Variants in SEL1L3 observed in about 807,000 individuals in gnomAD.
SEL1L3 encodes protein sel-1 homolog 3.
SEL1L3 carries 76 observed loss-of-function variants against 142.8 expected under a neutral mutation model. The ratio of observed to expected loss-of-function variants is 0.53; its 90% CI spans 0.44 to 0.64. SEL1L3 has a LOEUF of 0.64. SEL1L3 is among the 30% of genes least tolerant of loss of function. The probability of loss-of-function intolerance (pLI) is 0.00; values close to 1 mark genes in which losing one functional copy is unlikely to be tolerated. For synonymous variants in SEL1L3, 504 were observed against 519.6 expected (o/e 0.97, Z 0.41); for missense variants, 1,262 against 1,381.7 (o/e 0.91, Z 1.37).
chr4:25,785,454 G>T (rs908435905), intron 13 of SEL1L3, among the ~76,000 whole-genome samples: 2 of 152,164 alleles, frequency 1.3e-5, no homozygotes, highest in African/African-American at 4.8e-5. Context: ...GCCTATTTCA[G>T]TTCATAACCT....
the SEL1L3 span, among the ~76,000 whole-genome samples, chr4:25,739,764 G>A: frequency 1.0e-5 from 1 of 97,682 alleles, no homozygotes; most frequent in Non-Finnish European, 1.9e-5. Context: ...AAAATAATGT[G>A]TGTGTGTGTG....
chr4:25,814,409 C>T (rs1175185199), intron 9 of SEL1L3, among the ~76,000 whole-genome samples: 1 of 152,164 alleles, frequency 6.6e-6, no homozygotes, highest in Non-Finnish European at 1.5e-5. Flanking sequence ...TGTTACCACG[C>T]CTATTCAGTG....
At chr4:25,836,516 G>A (rs1421866555) in intron 2 of SEL1L3, among the ~76,000 whole-genome samples, 1 of 152,048 alleles carries the variant, frequency 6.6e-6, no homozygotes, top group Non-Finnish European at 1.5e-5. Flanking sequence ...GCCGGGCATG[G>A]TAGTGCGTGC....
chr4:25,767,946 C>A (rs2109140083), intron 17 of SEL1L3, 116 bp from the exon 18 acceptor site: 1 of 652,354 alleles, frequency 1.5e-6, no homozygotes, highest in Non-Finnish European at 2.6e-6. Flanking sequence ...AAAAAAACCA[C>A]AAAATCGTGA....
At chr4:25,805,702 G>A (rs1029388649) in intron 9 of SEL1L3, among the ~76,000 whole-genome samples, 1 of 152,052 alleles carries the variant, frequency 6.6e-6, no homozygotes, top group Non-Finnish European at 1.5e-5. Context: ...GTCTATCTTT[G>A]TTATTCATAT....
At chr4:25,853,964 C>T (rs1577702165) in intron 1 of SEL1L3, among the ~76,000 whole-genome samples, 1 of 151,978 alleles carries the variant, frequency 6.6e-6, no homozygotes. Flanking sequence ...GAGCCACTGC[C>T]CCCGGCCTCT....
chr4:25,780,044 C>T (rs914376798), intron 15 of SEL1L3, among the ~76,000 whole-genome samples: 1 of 152,112 alleles, frequency 6.6e-6, no homozygotes, highest in African/African-American at 2.4e-5. Context: ...CAATTCTTCC[C>T]CTCCTACCCC....
At chr4:25,767,220 G>T (rs1294494010) in intron 19 of SEL1L3, among the ~76,000 whole-genome samples, 2 of 152,166 alleles carry the variant, frequency 1.3e-5, no homozygotes, top group Non-Finnish European at 2.9e-5. Context: ...GGGAGGTGGA[G>T]GTTGCACTGA....
At chr4:25,768,306 GGAGTT>G in intron 17 of SEL1L3, among the ~76,000 whole-genome samples, 1 of 152,190 alleles carries the variant, frequency 6.6e-6, no homozygotes, top group East Asian at 1.9e-4. Context: ...AGTTCACAAG[GGAGTT>G]GATACATCAA....
intron 11 of SEL1L3, among the ~76,000 whole-genome samples, chr4:25,795,318 C>G (rs1359544920): frequency 1.3e-5 from 2 of 152,212 alleles, no homozygotes; most frequent in African/African-American, 4.8e-5. Context: ...GGCCTTAACT[C>G]ATACTAAAGT....
In SEL1L3 at chr4:25,748,534, G is replaced by A. The variant is rs1439010589; in HGVS notation, c.3290C>T (p.Ala1097Val). Reference protein sequence around the residue: ...ASDPPPRPSQASPDTATSTAS... With the variant: ...ASDPPPRPSQVSPDTATSTAS... ...AGTGGACGTGGCAGTGTCTGGGGAG[G>A]CCTGGGATGGTCTTGGAGGGGGATC... Residue 1097 changes from alanine (A) to valine (V), a missense_variant, in exon 24 of 24, where the codon GCC (alanine) becomes GTC (valine). This residue lies in a region of SEL1L3 where 138 missense variants were observed against 129.7 expected (regional missense o/e 1.06). Transcript: ENST00000399878. 6.2e-7 allele frequency: 1 copy of A among 1,611,570 alleles called. No individual in the cohort carries two copies. The highest frequency in any genetic ancestry group is 2.2e-5 in the East Asian group (1 of 44,832).
At chr4:25,795,802 ACCACCTATTAACAC>A (rs1712694894) in intron 11 of SEL1L3, among the ~76,000 whole-genome samples, 1 of 152,166 alleles carries the variant, frequency 6.6e-6, no homozygotes, top group Non-Finnish European at 1.5e-5. Flanking sequence ...GTGAAAGCAG[ACCACCTATTAACAC>A]AAAGACTTCG....
At chr4:25,806,207 T>C (rs927161557) in intron 9 of SEL1L3, among the ~76,000 whole-genome samples, 1 of 151,956 alleles carries the variant, frequency 6.6e-6, no homozygotes, top group Non-Finnish European at 1.5e-5. Context: ...CCCGGCTAAT[T>C]TTTTGTATTT....
In SEL1L3 at chr4:25,789,868, G is replaced by A. The variant is rs534539370; in HGVS notation, c.2076+587C>T. On this transcript the variant is annotated intron_variant, in intron 12 of 23. Coordinates refer to ENST00000399878, the MANE Select transcript of SEL1L3 (RefSeq NM_015187.5). ...AAGCAGAGAGGGTGCTTCCCCAGCC[G>A]TCTGCCCTTTCTCGTACCTCTTAAA... 2.6e-5 allele frequency among the ~76,000 whole-genome samples: 4 copies of A among 152,246 alleles called. No homozygotes were observed. In the South Asian group the frequency reaches 6.2e-4, roughly 24 times the overall value.
chr4:25,766,439 CAAA>C (rs35486393), intron 19 of SEL1L3, among the ~76,000 whole-genome samples: 12 of 93,722 alleles, frequency 1.3e-4, no homozygotes, highest in Admixed American at 3.3e-4. Context: ...GACTCCATCT[CAAA>C]AAAAAAAAAA....
chr4:25,804,635 A>G lies in SEL1L3; in HGVS notation c.1682T>C (p.Leu561Pro), dbSNP rs748803531. ...LHQISSIVPF[L>P]TDSSCCGYHK... ...GTATCCACAGCAGCTGGAATCCGTC[A>G]GAAAGGGGACGATAGAGCTAATTTG... The change falls in exon 10 of 24, where the codon CTG (leucine) becomes CCG (proline). Residue 561 changes from leucine (L) to proline (P), a missense_variant. Coordinates refer to ENST00000399878, the MANE Select transcript of SEL1L3 (RefSeq NM_015187.5). 1.2e-6 allele frequency: 2 copies of G among 1,613,968 alleles called. No homozygotes were observed. Among genetic ancestry groups the G allele is most frequent in the East Asian group, 2.2e-5 (1 of 44,890 alleles).
intron 9 of SEL1L3, among the ~76,000 whole-genome samples, chr4:25,807,308 G>A (rs1713656923): frequency 6.6e-6 from 1 of 152,112 alleles, no homozygotes; most frequent in Admixed American, 6.6e-5. Context: ...CTGCTAATCT[G>A]TTAGGATGAC....
intron 23 of SEL1L3, among the ~76,000 whole-genome samples, chr4:25,751,492 T>C (rs1717585520): frequency 6.6e-6 from 1 of 151,936 alleles, no homozygotes; most frequent in Non-Finnish European, 1.5e-5. Flanking sequence ...GGCTGGTGAC[T>C]ATCTGAGTGA....
intron 2 of SEL1L3, 89 bp downstream of exon 2, chr4:25,847,205 T>A (rs765159249): frequency 2.7e-5 from 30 of 1,105,692 alleles, no homozygotes; most frequent in Non-Finnish European, 3.5e-5. Flanking sequence ...CCCCCTTCGC[T>A]AATAGAAGAA....
Sources: allele counts gnomAD v4.1 joint callset (sites outside exome capture counted in the v4.1 genomes callset), GRCh38; gene constraint gnomAD v4.1.1; regional missense constraint gnomAD v4.1.1; transcripts MANE v1.5; gene names NCBI Gene and HGNC (gene_info 2026-07-23, HGNC 2026-07-21).